Variants in GNG11 observed in about 807,000 individuals in gnomAD.
GNG11 encodes G protein subunit gamma 11, also known as guanine nucleotide-binding protein G(I)/G(S)/G(O) subunit gamma-11.
A neutral mutation model predicts 7.4 loss-of-function variants in GNG11; 6 were observed. The observed-to-expected ratio is 0.81, with a 90% CI of 0.44 to 1.60. The LOEUF is 1.60. GNG11 is among the 40% of genes most tolerant of loss of function. The pLI is 0.01. For synonymous variants in GNG11, 31 were observed against 25.9 expected (o/e 1.20, Z -0.60); for missense variants, 65 against 83.0 (o/e 0.78, Z 0.84).
At chr7:93,922,999 A>T (rs1040407042) in intron 1 of GNG11, among the ~76,000 whole-genome samples, 1 of 152,156 alleles carries the variant, frequency 6.6e-6, no homozygotes, top group Non-Finnish European at 1.5e-5. Context: ...TCAATTTCTT[A>T]CTGGTCATCA....
At chr7:93,924,374 G>C (rs191978757) in intron 1 of GNG11, among the ~76,000 whole-genome samples, 9 of 152,326 alleles carry the variant, frequency 5.9e-5, no homozygotes. Flanking sequence ...GTATCTTGCT[G>C]AGAAATTAAC....
chr7:93,924,418 A>G (rs992392301), intron 1 of GNG11, among the ~76,000 whole-genome samples: 2 of 152,262 alleles, frequency 1.3e-5, no homozygotes, highest in Non-Finnish European at 2.9e-5. Flanking sequence ...TGACACGTGC[A>G]TTATCAACTC....
intron 1 of GNG11, 89 bp downstream of exon 1, chr7:93,922,322 G>A (rs1794625814): frequency 7.1e-6 from 5 of 708,484 alleles, no homozygotes; most frequent in Middle Eastern, 2.6e-4. Flanking sequence ...AAATAGTTTA[G>A]CTTATTTTTC....
chr7:93,925,621 C>G (rs903490280), intron 1 of GNG11, among the ~76,000 whole-genome samples: 7 of 152,158 alleles, frequency 4.6e-5, no homozygotes, highest in Admixed American at 1.3e-4. Flanking sequence ...TGGCATTACA[C>G]ACCCCAAAAC....
chr7:93,926,306 A>T lies in GNG11; in HGVS notation c.*90A>T. ...CCAACATGCTTTTTAAGGAAGGAAG[A>T]ATGAAATTAAAAGGAGACTTTCTTA... is the stretch of plus-strand genomic sequence containing the variant. On this transcript the variant is annotated 3_prime_UTR_variant, in exon 2 of 2. Transcript: ENST00000248564. 1 of 992,638 alleles carries T rather than the reference A, an allele frequency of 1.0e-6. No individual in the cohort carries two copies. Among genetic ancestry groups the T allele is most frequent in the Non-Finnish European group, 1.5e-6 (1 of 679,820 alleles). 61.5% of individuals were successfully genotyped at this position (992,638 alleles called of 1,614,324 possible). A position where few individuals can be genotyped will look rare whatever the true frequency, so the allele number is the denominator to read the frequency against.
chr7:93,924,223 A>G (rs1794648429), intron 1 of GNG11, among the ~76,000 whole-genome samples: 1 of 152,246 alleles, frequency 6.6e-6, no homozygotes, highest in African/African-American at 2.4e-5. Context: ...TTCTGGCTGT[A>G]GTTAAATGTT....
chr7:93,926,008 A>C, intron 1 of GNG11, 83 bp from the exon 2 acceptor site: 3 of 690,738 alleles, frequency 4.3e-6, no homozygotes, highest in Non-Finnish European at 6.8e-6. Context: ...TATTGTATTC[A>C]ATTATACTTA....
Position 93,922,083 on chromosome 7 carries a change from G to C in GNG11, c.-55G>C, listed in dbSNP as rs1317859749. On this transcript the variant is annotated 5_prime_UTR_variant, in exon 1 of 2. Transcript: ENST00000248564. The stretch of plus-strand genomic sequence containing the variant: ...GTTTCGGGACGCGCCGAGCTTCGCC[G>C]CTCTTCCAGCGGCTCCGCTGCCAGA... 2 of 1,157,908 alleles carry C rather than the reference G, an allele frequency of 1.7e-6. No individual in the cohort carries two copies. Among genetic ancestry groups the C allele is most frequent in the African/African-American group, 3.1e-5 (2 of 63,852 alleles). 71.7% of individuals were successfully genotyped at this position (1,157,908 alleles called of 1,614,324 possible).
intron 1 of GNG11, among the ~76,000 whole-genome samples, chr7:93,925,714 A>T (rs1262360871): frequency 6.6e-6 from 1 of 152,202 alleles, no homozygotes; most frequent in Non-Finnish European, 1.5e-5. Flanking sequence ...AAAATATTGT[A>T]GACATGGCAT....
At chr7:93,925,982 A>C (rs1676570465) in intron 1 of GNG11, 109 bp from the exon 2 acceptor site, 1 of 462,464 alleles carries the variant, frequency 2.2e-6, no homozygotes, top group Non-Finnish European at 3.8e-6. Flanking sequence ...TAAATGTAAA[A>C]AAATGTTTAA....
In GNG11 at chr7:93,926,138, T is replaced by C. The variant is rs777375723; in HGVS notation, c.144T>C (p.Ser48=). The C allele has an allele frequency of 6.3e-7, 1 of 1,576,572 alleles. No homozygotes were observed. The highest frequency in any genetic ancestry group is 1.1e-5 in the South Asian group (1 of 87,624). Residue 48 remains serine (S), a synonymous_variant, in exon 2 of 2, where the codon TCT becomes TCC. Coordinates refer to ENST00000248564, the MANE Select transcript of GNG11 (RefSeq NM_004126.4). The stretch of plus-strand genomic sequence containing the variant: ...TAAAGAACTATATTGAAGAACGTTC[T>C]GGAGAGGATCCTCTAGTAAAGGGAA... The part of the protein sequence containing the change: ...EEIKNYIEER[S]GEDPLVKGIP...
intron 1 of GNG11, among the ~76,000 whole-genome samples, chr7:93,925,113 G>C (rs914973949): frequency 2.0e-5 from 3 of 152,140 alleles, no homozygotes; most frequent in African/African-American, 4.8e-5. Context: ...GCAGTGAGCC[G>C]AGATCCTGCC....
At position 93,926,270 on chromosome 7, in the gene GNG11, C is replaced by A; in HGVS notation, c.*54C>A. The stretch of plus-strand genomic sequence containing the variant: ...GGAAGAACTAGTTTGTTTTAGTTTT[C>A]CCAGATAAAACCAACATGCTTTTTA... On this transcript the variant is annotated 3_prime_UTR_variant, in exon 2 of 2. Coordinates refer to ENST00000248564, the MANE Select transcript of GNG11 (RefSeq NM_004126.4). 3 of 1,415,352 alleles carry A rather than the reference C, an allele frequency of 2.1e-6. No individual in the cohort carries two copies. Among genetic ancestry groups the A allele is most frequent in the South Asian group, 1.4e-5 (1 of 70,436 alleles). The allele number at this position is 1,415,352 out of a possible 1,614,324, so 87.7% of individuals were successfully genotyped here. A position where few individuals can be genotyped will look rare whatever the true frequency, so the allele number is the denominator to read the frequency against.
rs1442386012 is a variant in GNG11, at chr7:93,922,122, C to G, written c.-16C>G. On this transcript the variant is annotated 5_prime_UTR_variant, in exon 1 of 2. Coordinates refer to ENST00000248564, the MANE Select transcript of GNG11 (RefSeq NM_004126.4). Reference sequence around the variant, plus strand: ...TCCGCTGCCAGAGCTAGCCCGAGCCCGGTTCTGGGGCGAAAATGCCTGCCC... The same window carrying G: ...TCCGCTGCCAGAGCTAGCCCGAGCCGGGTTCTGGGGCGAAAATGCCTGCCC... 1 of 1,547,536 alleles carries G rather than the reference C, an allele frequency of 6.5e-7. No individual in the cohort carries two copies. Among genetic ancestry groups the G allele is most frequent in the East Asian group, 2.3e-5 (1 of 43,354 alleles).
At chr7:93,922,283 C>G in intron 1 of GNG11, 50 bp downstream of exon 1, 1 of 1,094,798 alleles carries the variant, frequency 9.1e-7, no homozygotes, top group Admixed American at 2.1e-5. Flanking sequence ...AAGCAGGGTC[C>G]GATTTTTCCT....
chr7:93,926,174 C>A lies in GNG11; in HGVS notation c.180C>A (p.Asp60Glu). 2 of 1,592,884 alleles carry A rather than the reference C, an allele frequency of 1.3e-6. No homozygotes were observed. The highest frequency in any genetic ancestry group is 1.7e-6 in the Non-Finnish European group (2 of 1,168,734). ...EDPLVKGIPE[D>E]KNPFKEKGSC... is the part of the protein sequence containing the mutation. ...CTCTAGTAAAGGGAATTCCAGAAGA[C>A]AAGAACCCCTTTAAAGAAAAAGGCA... Residue 60 changes from aspartate to glutamate, a missense_variant, in exon 2 of 2, where the codon GAC (aspartate) becomes GAA (glutamate). Transcript: ENST00000248564.
At chr7:93,924,730 T>C (rs1584100471) in intron 1 of GNG11, among the ~76,000 whole-genome samples, 2 of 152,266 alleles carry the variant, frequency 1.3e-5, no homozygotes, top group East Asian at 1.9e-4. Context: ...TCTGTACTTA[T>C]TTGTAGTTAA....
At position 93,922,017 on chromosome 7, in the gene GNG11, T is replaced by G; in HGVS notation, c.-121T>G. The G allele has an allele frequency of 1.7e-6, 1 of 573,684 alleles. No individual in the cohort carries two copies. Among genetic ancestry groups the G allele is most frequent in the Non-Finnish European group, 3.1e-6 (1 of 321,378 alleles). The allele number at this position is 573,684 out of a possible 1,614,324, so 35.5% of individuals were successfully genotyped here. ...GCTGGGGACCGCAGCAGGGCTGCAG[T>G]CACATCCTGCGCGGGTGGGCGGCGG... On this transcript the variant is annotated 5_prime_UTR_variant, in exon 1 of 2. Coordinates refer to ENST00000248564, the MANE Select transcript of GNG11 (RefSeq NM_004126.4).
In GNG11 at chr7:93,928,489, T is replaced by C. The variant is rs1273902192; in HGVS notation, c.*2273T>C. 1 of 152,226 alleles carries C rather than the reference T, an allele frequency of 6.6e-6. No homozygotes were observed. The highest frequency in any genetic ancestry group is 1.5e-5 in the Non-Finnish European group (1 of 68,032). The allele number at this position is 152,226 out of a possible 1,614,324, so 9.4% of individuals were successfully genotyped here. On this transcript the variant is annotated 3_prime_UTR_variant, in exon 2 of 2. Coordinates refer to ENST00000248564, the MANE Select transcript of GNG11 (RefSeq NM_004126.4). ...TACATCCACTATATATTTAGATATA[T>C]TGTAAATGTAACCTTTGGTGACTGA...
Sources: gnomAD v4.1 joint callset for allele counts (sites outside exome capture counted in the v4.1 genomes callset) on GRCh38, gnomAD v4.1.1 for gene constraint, MANE v1.5 for transcripts, NCBI Gene and HGNC (gene_info 2026-07-23, HGNC 2026-07-21) for gene names.